Variants in CORO1C observed in about 807,000 individuals in gnomAD.
CORO1C encodes the protein coronin 1C.
A neutral mutation model predicts 51.2 loss-of-function variants in CORO1C; 14 were observed. The observed-to-expected ratio is 0.27, with a 90% CI of 0.18 to 0.43. The LOEUF is 0.43. Among genes scored for constraint, CORO1C ranks in the 20% least tolerant of loss-of-function variants. CORO1C has a pLI of 1.00. For missense variants in CORO1C, 417 were observed against 607.8 expected (o/e 0.69, Z 3.30); for synonymous variants, 181 against 210.5 (o/e 0.86, Z 1.21).
intron 3 of CORO1C, among the ~76,000 whole-genome samples, chr12:108,663,765 G>T (rs949057685): frequency 2.0e-5 from 3 of 152,164 alleles, no homozygotes; most frequent in Non-Finnish European, 4.4e-5. Context: ...ATTGTCTGTG[G>T]TGATGGTTGT....
chr12:108,704,697 C>A (rs1332298086), intron 1 of CORO1C, among the ~76,000 whole-genome samples: 1 of 152,186 alleles, frequency 6.6e-6, no homozygotes, highest in Non-Finnish European at 1.5e-5. Flanking sequence ...AAGGTCAAAT[C>A]TGATCTGGGC....
rs568993753 is a variant in CORO1C, at chr12:108,684,105, T to C, written c.196-5711A>G. Among the ~76,000 whole-genome samples, 4 of 151,708 alleles carry C rather than the reference T, an allele frequency of 2.6e-5. No individual in the cohort carries two copies. In the South Asian group the frequency reaches 8.4e-4, roughly 32 times the overall value. ...TATGCAACATACATACCTAACAAAATCAACAACCAAACAGAACGATGGGCA... is the reference window on the plus strand; with the variant it reads ...TATGCAACATACATACCTAACAAAACCAACAACCAAACAGAACGATGGGCA... On this transcript the variant is annotated intron_variant, in intron 2 of 10. Transcript: ENST00000261401.
intron 4 of CORO1C, among the ~76,000 whole-genome samples, chr12:108,661,675 G>A (rs1202478508): frequency 6.6e-6 from 1 of 152,108 alleles, no homozygotes; most frequent in African/African-American, 2.4e-5. Flanking sequence ...ACACCACAGA[G>A]GGAACACAGG....
At chr12:108,720,717 G>T (rs922609210) in intron 1 of CORO1C, among the ~76,000 whole-genome samples, 2 of 152,042 alleles carry the variant, frequency 1.3e-5, no homozygotes, top group African/African-American at 2.4e-5. Context: ...TAGAGATGGG[G>T]TTTCACCATG....
intron 4 of CORO1C, 107 bp from the exon 5 acceptor site, chr12:108,659,026 G>GAGAGAGAGAA: frequency 1.8e-6 from 2 of 1,136,962 alleles, no homozygotes; most frequent in East Asian, 2.5e-5. Flanking sequence ...TGCAGAGAGA[G>GAGAGAGAGAA]AGAGAGAGAA....
chr12:108,726,333 G>A (rs566062338), intron 1 of CORO1C, among the ~76,000 whole-genome samples: 19 of 151,256 alleles, frequency 1.3e-4, no homozygotes, highest in East Asian at 1.2e-3. Context: ...GCGGGAGAAC[G>A]GCGTGAACCT....
intron 1 of CORO1C, among the ~76,000 whole-genome samples, chr12:108,716,503 C>A (rs1013734960): frequency 6.6e-6 from 1 of 152,012 alleles, no homozygotes; most frequent in African/African-American, 2.4e-5. Flanking sequence ...CTTGGGCAAG[C>A]GGAGATTAAA....
intron 1 of CORO1C, among the ~76,000 whole-genome samples, chr12:108,707,374 G>C (rs1259727009): frequency 6.6e-6 from 1 of 152,210 alleles, no homozygotes; most frequent in African/African-American, 2.4e-5. Flanking sequence ...AAGTCCAGAA[G>C]TAAACTCATA....
At chr12:108,711,239 A>C (rs1336028079) in intron 1 of CORO1C, among the ~76,000 whole-genome samples, 4 of 151,922 alleles carry the variant, frequency 2.6e-5, no homozygotes, top group Admixed American at 2.6e-4. Context: ...ATGTTGTAGT[A>C]TACCCCTGCG....
Position 108,672,165 on chromosome 12 carries a change from A to G in CORO1C, c.318+6107T>C, listed in dbSNP as rs139003471. 3.2e-3 allele frequency among the ~76,000 whole-genome samples: 491 copies of G among 152,340 alleles called. 5 individuals carry two copies. Among genetic ancestry groups the G allele is most frequent in the African/African-American group, 0.011 (468 of 41,580 alleles). ...GAGAATATTGTTCCCACTCCTTCTT[A>G]AGGAATCCACCCAAGAACAAGCTTC... On this transcript the variant is annotated intron_variant, in intron 3 of 10. Coordinates refer to ENST00000261401, the MANE Select transcript of CORO1C (RefSeq NM_014325.4).
Position 108,648,946 on chromosome 12 carries a change from G to A in CORO1C, c.1059+17C>T. ...ATTTGTTTAAAATATGGATTGTCTA[G>A]AAAACTCAGCACTCACCTTCCTGGG... On this transcript the variant is annotated intron_variant, in intron 9 of 10. Coordinates refer to ENST00000261401, the MANE Select transcript of CORO1C (RefSeq NM_014325.4). The A allele has an allele frequency of 6.2e-7, 1 of 1,613,572 alleles. No homozygotes were observed. Among genetic ancestry groups the A allele is most frequent in the Non-Finnish European group, 8.5e-7 (1 of 1,179,882 alleles).
intron 2 of CORO1C, among the ~76,000 whole-genome samples, chr12:108,689,883 C>T (rs1233504630): frequency 6.6e-6 from 1 of 152,200 alleles, no homozygotes; most frequent in Non-Finnish European, 1.5e-5. Flanking sequence ...TGTTAAGTCA[C>T]ACATGTGCTC....
chr12:108,668,131 T>TAC (rs2033564274), intron 3 of CORO1C, among the ~76,000 whole-genome samples: 2 of 152,102 alleles, frequency 1.3e-5, no homozygotes, highest in South Asian at 4.2e-4. Context: ...ATGAAGAAAA[T>TAC]ACATGAGACA....
chr12:108,703,145 T>C, intron 1 of CORO1C: 1 of 477,612 alleles, frequency 2.1e-6, no homozygotes. Context: ...CACACAACCA[T>C]CTGCAACCAT....
intron 3 of CORO1C, among the ~76,000 whole-genome samples, chr12:108,666,886 CA>C (rs567905767): frequency 3.9e-5 from 6 of 152,122 alleles, no homozygotes; most frequent in Non-Finnish European, 8.8e-5. Context: ...GGGAGAAGAG[CA>C]TGGGGCTTTC....
chr12:108,669,671 G>A (rs1235913786), intron 3 of CORO1C, among the ~76,000 whole-genome samples: 6 of 62,172 alleles, frequency 9.7e-5, no homozygotes, highest in South Asian at 7.2e-4. Flanking sequence ...GAGCTTTTCC[G>A]TTAAAAAAAA....
At chr12:108,675,767 G>C (rs2033884784) in intron 3 of CORO1C, among the ~76,000 whole-genome samples, 1 of 152,160 alleles carries the variant, frequency 6.6e-6, no homozygotes, top group Non-Finnish European at 1.5e-5. Context: ...AATGGAAAAA[G>C]GATGAAACCC....
intron 3 of CORO1C, among the ~76,000 whole-genome samples, chr12:108,662,547 TTTTA>T (rs1245020614): frequency 5.3e-5 from 8 of 152,160 alleles, no homozygotes; most frequent in African/African-American, 2.4e-5. Context: ...TCCTCTCAGC[TTTTA>T]TTTAATATTA....
At chr12:108,707,182 G>A (rs1278861068) in intron 1 of CORO1C, among the ~76,000 whole-genome samples, 1 of 152,144 alleles carries the variant, frequency 6.6e-6, no homozygotes, top group Non-Finnish European at 1.5e-5. Context: ...AATGGATGAA[G>A]GGATTGATTG....
Sources: allele counts gnomAD v4.1 joint callset (sites outside exome capture counted in the v4.1 genomes callset), GRCh38; gene constraint gnomAD v4.1.1; transcripts MANE v1.5; gene names NCBI Gene and HGNC (gene_info 2026-07-23, HGNC 2026-07-21).